The following MIS18A variants were observed in gnomAD, a reference collection of about 807,000 sequenced individuals.
MIS18A encodes MIS18 kinetochore protein A.
A neutral mutation model predicts 25.0 loss-of-function variants in MIS18A; 14 were observed. That is an observed-to-expected ratio of 0.56 (90% CI 0.37 to 0.88). The LOEUF is 0.88. MIS18A is among the 40% of genes least tolerant of loss of function. The pLI is 0.00. For missense variants in MIS18A, 292 were observed against 290.8 expected (o/e 1.00, Z -0.03); for synonymous variants, 134 against 118.6 (o/e 1.13, Z -0.84).
chr21:32,229,289 G>A, the MIS18A span, among the ~76,000 whole-genome samples: 1 of 152,222 alleles, frequency 6.6e-6, no homozygotes, highest in African/African-American at 2.4e-5. Context: ...TATGTCTAAA[G>A]TTCAGTTAGA....
At chr21:32,263,766 C>T (rs1005100173), downstream of MIS18A, among the ~76,000 whole-genome samples, 3 of 150,594 alleles carry the variant, frequency 2.0e-5, no homozygotes, top group Admixed American at 6.6e-5. Context: ...AAGGAATACA[C>T]AGCAATATGC....
the MIS18A span, among the ~76,000 whole-genome samples, chr21:32,160,595 C>T: frequency 6.6e-6 from 1 of 151,246 alleles, no homozygotes; most frequent in Non-Finnish European, 1.5e-5. Context: ...TGGGACAACT[C>T]TAAGCAGGGA....
the MIS18A span, among the ~76,000 whole-genome samples, chr21:32,222,667 C>T: frequency 2.0e-5 from 3 of 152,256 alleles, no homozygotes; most frequent in African/African-American, 7.2e-5. Context: ...CGTGGTGGCT[C>T]ATGCCTGTAA....
At chr21:32,178,723 G>C in the MIS18A span, among the ~76,000 whole-genome samples, 16 of 152,134 alleles carry the variant, frequency 1.1e-4, no homozygotes, top group African/African-American at 3.9e-4. Context: ...CATTGAGCTT[G>C]TTGAGTCTAT....
the MIS18A span, among the ~76,000 whole-genome samples, chr21:32,230,796 G>T: frequency 1.8e-4 from 27 of 152,174 alleles, no homozygotes; most frequent in Non-Finnish European, 3.8e-4. Context: ...AAACACAGGG[G>T]TAAGTCTTTG....
At chr21:32,214,200 A>G in the MIS18A span, among the ~76,000 whole-genome samples, 3 of 152,168 alleles carry the variant, frequency 2.0e-5, no homozygotes, top group Non-Finnish European at 4.4e-5. Context: ...GAACATAGCT[A>G]TCAGGTCCAC....
the MIS18A span, among the ~76,000 whole-genome samples, chr21:32,179,245 C>T: frequency 6.6e-6 from 1 of 152,096 alleles, no homozygotes; most frequent in South Asian, 2.1e-4. Flanking sequence ...TTTCTCTTTC[C>T]CCCTGTACTC....
chr21:32,165,225 C>T, the MIS18A span, among the ~76,000 whole-genome samples: 15 of 152,056 alleles, frequency 9.9e-5, no homozygotes, highest in Admixed American at 3.3e-4. Flanking sequence ...CCCAGCTACT[C>T]GGGAGGCTGA....
downstream of MIS18A, among the ~76,000 whole-genome samples, chr21:32,266,101 CTG>C (rs1183977170): frequency 7.0e-6 from 1 of 142,210 alleles, no homozygotes; most frequent in East Asian, 2.1e-4. Context: ...AATCGGCACT[CTG>C]TATCTAGCTC....
chr21:32,193,160 C>T, the MIS18A span, among the ~76,000 whole-genome samples: 1 of 152,110 alleles, frequency 6.6e-6, no homozygotes, highest in South Asian at 2.1e-4. Context: ...AAGCCACTAC[C>T]AGGGACAGGC....
chr21:32,244,746 C>A, the MIS18A span, among the ~76,000 whole-genome samples: 1 of 151,976 alleles, frequency 6.6e-6, no homozygotes, highest in East Asian at 1.9e-4. Flanking sequence ...AACCAACCAA[C>A]CAACCAACCA....
downstream of MIS18A, among the ~76,000 whole-genome samples, chr21:32,265,303 C>T (rs1048665929): frequency 1.3e-5 from 2 of 152,238 alleles, no homozygotes; most frequent in Admixed American, 1.3e-4. Flanking sequence ...CTGGAGCCCA[C>T]TCCCGCAGCT....
the MIS18A span, among the ~76,000 whole-genome samples, chr21:32,155,787 C>T: frequency 6.6e-6 from 1 of 151,952 alleles, no homozygotes; most frequent in African/African-American, 2.4e-5. Flanking sequence ...GTGTGCAATG[C>T]TAGTTTTAGG....
intron 1 of MIS18A, chr21:32,278,348 A>G (rs2086635591): frequency 6.0e-6 from 2 of 335,806 alleles, no homozygotes. Context: ...AAGTGCTTAC[A>G]GTCTAGTTGA....
chr21:32,168,725 T>G, the MIS18A span, among the ~76,000 whole-genome samples: 1 of 151,890 alleles, frequency 6.6e-6, no homozygotes, highest in East Asian at 1.9e-4. Context: ...ACTGAAAGAG[T>G]AGTGAAAAAA....
chr21:32,233,602 A>G, the MIS18A span, among the ~76,000 whole-genome samples: 1 of 152,208 alleles, frequency 6.6e-6, no homozygotes, highest in Non-Finnish European at 1.5e-5. Flanking sequence ...AACCTTGGCC[A>G]TCAAATTTTG....
chr21:32,252,261 A>C, the MIS18A span, among the ~76,000 whole-genome samples: 1 of 146,110 alleles, frequency 6.8e-6, no homozygotes, highest in African/African-American at 2.5e-5. Context: ...GAGGAGGAGG[A>C]GGAGGAGGAG....
the MIS18A span, among the ~76,000 whole-genome samples, chr21:32,188,602 G>A: frequency 6.6e-5 from 10 of 152,204 alleles, no homozygotes; most frequent in Non-Finnish European, 1.3e-4. Flanking sequence ...TTGGGTAAGT[G>A]CTCAGGGCTG....
the MIS18A span, among the ~76,000 whole-genome samples, chr21:32,244,327 T>G: frequency 6.6e-6 from 1 of 152,094 alleles, no homozygotes; most frequent in African/African-American, 2.4e-5. Flanking sequence ...TATGCTACAT[T>G]ATAATTGTGA....
Sources: gnomAD v4.1 joint callset for allele counts (sites outside exome capture counted in the v4.1 genomes callset) on GRCh38, gnomAD v4.1.1 for gene constraint, MANE v1.5 for transcripts, NCBI Gene and HGNC (gene_info 2026-07-23, HGNC 2026-07-21) for gene names.